Variants in IGF2R observed in about 807,000 individuals in gnomAD.
The protein encoded by IGF2R is insulin like growth factor 2 receptor.
In IGF2R, 91 loss-of-function variants were observed where a neutral mutation model predicts 270.6. The observed-to-expected ratio is 0.34, with a 90% CI of 0.28 to 0.40. The LOEUF is 0.40. IGF2R is among the 10% of genes least tolerant of loss of function. IGF2R has a pLI of 1.00. For missense variants in IGF2R, 2,805 were observed against 3,188.3 expected, an observed-to-expected ratio of 0.88 and a Z score of 2.90; for synonymous variants, 1,316 against 1,258.9, an observed-to-expected ratio of 1.05 and a Z score of -0.96.
In IGF2R at chr6:160,033,046, G is replaced by T; in HGVS notation, c.1150G>T (p.Val384Leu). Residue 384 changes from valine (V) to leucine (L), a missense_variant, in exon 9 of 48, where the codon GTG (valine) becomes TTG (leucine). Transcript: ENST00000356956. ...TAAAAAACAAGCTGCAGTTTGCCAAGTGAAAAAGAGCGATACCTCTCAAGT... is the reference window on the plus strand; with the variant it reads ...TAAAAAACAAGCTGCAGTTTGCCAATTGAAAAAGAGCGATACCTCTCAAGT... ...CNKKQAAVCQ[V>L]KKSDTSQVKA... 1 of 1,613,436 alleles carries T rather than the reference G, an allele frequency of 6.2e-7. No homozygotes were observed. The highest frequency in any genetic ancestry group is 1.1e-5 in the South Asian group (1 of 91,060).
At position 160,079,509 on chromosome 6, in the gene IGF2R, A is replaced by G. The variant is rs1020331713; in HGVS notation, c.5479-71A>G. On this transcript the variant is annotated intron_variant, in intron 37 of 47. Coordinates refer to ENST00000356956, the MANE Select transcript of IGF2R (RefSeq NM_000876.4). Reference sequence around the variant, plus strand: ...ACCTGCCTCCAGCATCAGCTGCAATAGTGGTTCTCTCTTCACTTTGAGACC... The same window carrying G: ...ACCTGCCTCCAGCATCAGCTGCAATGGTGGTTCTCTCTTCACTTTGAGACC... 48 of 1,090,230 alleles carry G rather than the reference A, an allele frequency of 4.4e-5. No homozygotes were observed. In the African/African-American group the frequency reaches 5.4e-4, roughly 12 times the overall value. 67.5% of individuals were successfully genotyped at this position (1,090,230 alleles called of 1,614,324 possible).
intron 2 of IGF2R, among the ~76,000 whole-genome samples, chr6:160,003,139 TC>T (rs1332350589): frequency 8.5e-5 from 13 of 152,314 alleles, no homozygotes; most frequent in African/African-American, 2.4e-4. Context: ...GCCCCTGACT[TC>T]CAGTGATTTG....
At position 160,104,887 on chromosome 6, in the gene IGF2R, G is replaced by A. The variant is rs2114746774; in HGVS notation, c.7279G>A (p.Ala2427Thr). The A allele has an allele frequency of 6.2e-7, 1 of 1,614,194 alleles. No individual in the cohort carries two copies. Among genetic ancestry groups the A allele is most frequent in the African/African-American group, 1.3e-5 (1 of 75,050 alleles). Residue 2427 changes from alanine to threonine, a missense_variant, in exon 48 of 48, where the codon GCT becomes ACT. Transcript: ENST00000356956. ...PEVKVHSGRG[A>T]GAESSHPVRN... The stretch of plus-strand genomic sequence containing the variant: ...GGTGAAAGTTCACTCGGGCAGGGGA[G>A]CTGGGGCAGAGAGCTCCCACCCAGT...
chr6:160,003,062 C>G (rs992839505), intron 2 of IGF2R, among the ~76,000 whole-genome samples: 4 of 152,136 alleles, frequency 2.6e-5, no homozygotes, highest in Admixed American at 2.6e-4. Context: ...TGTTGGTGAC[C>G]TGGTAGGACA....
intron 4 of IGF2R, among the ~76,000 whole-genome samples, chr6:160,023,295 CGGT>C (rs1777477568): frequency 6.6e-6 from 1 of 151,828 alleles, no homozygotes; most frequent in East Asian, 1.9e-4. Context: ...GAGAACTTGG[CGGT>C]GGGGCAGGGG....
intron 47 of IGF2R, among the ~76,000 whole-genome samples, chr6:160,104,288 G>T (rs1779562198): frequency 6.6e-6 from 1 of 152,098 alleles, no homozygotes; most frequent in African/African-American, 2.4e-5. Context: ...CCCCTGCCAT[G>T]CAGTGGGCAC....
intron 1 of IGF2R, among the ~76,000 whole-genome samples, chr6:159,978,470 G>A (rs1172882457): frequency 6.6e-6 from 1 of 152,084 alleles, no homozygotes; most frequent in Non-Finnish European, 1.5e-5. Context: ...GTTTCCCTGT[G>A]GTAGGATCAG....
intron 1 of IGF2R, among the ~76,000 whole-genome samples, chr6:159,980,187 G>T (rs1246864630): frequency 4.2e-5 from 1 of 23,554 alleles, no homozygotes. Flanking sequence ...TCTCAAAAAA[G>T]AAAGAAAGAA....
chr6:160,024,437 A>G (rs1777508532), intron 4 of IGF2R, 135 bp from the exon 5 acceptor site: 2 of 786,456 alleles, frequency 2.5e-6, no homozygotes, highest in East Asian at 2.5e-5. Context: ...CCTTTGCCTG[A>G]GTTCGTTATT....
In IGF2R at chr6:160,033,068, A is replaced by G. The variant is rs369844091; in HGVS notation, c.1172A>G (p.Gln391Arg). 33 of 1,613,576 alleles carry G rather than the reference A, an allele frequency of 2.0e-5. No homozygotes were observed. The African/African-American group carries it at 4.0e-4, about 20-fold the overall frequency. Residue 391 changes from glutamine (Q) to arginine (R), a missense_variant, in exon 9 of 48, where the codon CAA becomes CGA. By Grantham distance (43) the Gln-to-Arg change is conservative. Transcript: ENST00000356956. The stretch of plus-strand genomic sequence containing the variant: ...CAAGTGAAAAAGAGCGATACCTCTC[A>G]AGTCAAAGCAGCAGGAAGATACCAC... ...VCQVKKSDTS[Q>R]VKAAGRYHNQ...
intron 19 of IGF2R, among the ~76,000 whole-genome samples, chr6:160,051,012 G>A (rs1265177031): frequency 6.6e-6 from 1 of 152,142 alleles, no homozygotes; most frequent in Non-Finnish European, 1.5e-5. Flanking sequence ...TGGTCCTGTA[G>A]GGGCCAAGGG....
intron 8 of IGF2R, 80 bp from the exon 9 acceptor site, chr6:160,032,862 G>A: frequency 7.2e-7 from 1 of 1,397,014 alleles, no homozygotes; most frequent in Middle Eastern, 2.5e-4. Flanking sequence ...TAGGATTCAG[G>A]TTTGACTAAG....
At chr6:160,027,915 T>G (rs1440741269) in intron 6 of IGF2R, among the ~76,000 whole-genome samples, 1 of 152,166 alleles carries the variant, frequency 6.6e-6, no homozygotes, top group African/African-American at 2.4e-5. Flanking sequence ...GGTAGACACC[T>G]TGTTGTGCTT....
chr6:160,073,085 CG>C (rs1303564088), intron 33 of IGF2R, 127 bp from the exon 34 acceptor site: 5 of 1,403,936 alleles, frequency 3.6e-6, no homozygotes, highest in South Asian at 2.7e-5. Flanking sequence ...TGGTTAAAGC[CG>C]GATTGGACAC....
chr6:160,060,321 T>TG (rs1778408115), intron 22 of IGF2R, among the ~76,000 whole-genome samples: 1 of 152,282 alleles, frequency 6.6e-6, no homozygotes, highest in African/African-American at 2.4e-5. Context: ...AGGCCACTGT[T>TG]GCAGTGAGTG....
chr6:159,984,815 G>A (rs1232248586), intron 1 of IGF2R, among the ~76,000 whole-genome samples: 2 of 152,184 alleles, frequency 1.3e-5, no homozygotes, highest in African/African-American at 4.8e-5. Flanking sequence ...GTTACCCATG[G>A]TCACTTGCAG....
At chr6:160,103,861 C>T (rs1444391648) in intron 47 of IGF2R, 46 bp downstream of exon 47, 3 of 1,286,196 alleles carry the variant, frequency 2.3e-6, no homozygotes, top group Middle Eastern at 1.8e-4. Flanking sequence ...TCCCCGGCCC[C>T]CTGTGCTGCG....
At chr6:160,081,204 G>C (rs1223499126) in intron 39 of IGF2R, among the ~76,000 whole-genome samples, 1 of 151,912 alleles carries the variant, frequency 6.6e-6, no homozygotes, top group Non-Finnish European at 1.5e-5. Flanking sequence ...TTTCAACGTA[G>C]GTTCTTTTCT....
intron 44 of IGF2R, among the ~76,000 whole-genome samples, chr6:160,090,993 C>T (rs1254074759): frequency 2.2e-5 from 3 of 134,806 alleles, no homozygotes; most frequent in East Asian, 2.3e-4. Context: ...CTGAGCGCAT[C>T]GCTGAGAAGG....
Sources: allele counts gnomAD v4.1 joint callset (sites outside exome capture counted in the v4.1 genomes callset), GRCh38; gene constraint gnomAD v4.1.1; transcripts MANE v1.5; gene names NCBI Gene and HGNC (gene_info 2026-07-23, HGNC 2026-07-21).